Variants in CDH23 observed in about 807,000 individuals in gnomAD.
CDH23 encodes the protein cadherin-23.
In CDH23, 189 loss-of-function variants were observed where a neutral mutation model predicts 317.1. The ratio of observed to expected loss-of-function variants is 0.60; its 90% CI spans 0.53 to 0.67. The LOEUF is 0.67. Ranked by LOEUF, CDH23 falls within the 30% of genes least tolerant of loss-of-function variation. CDH23 has a pLI of 0.00. For synonymous variants in CDH23, 1,839 were observed against 1,876.8 expected (o/e 0.98, Z 0.52); for missense variants, 4,401 against 4,592.4 (o/e 0.96, Z 1.20).
At position 71,809,847 on chromosome 10, in the gene CDH23, T is replaced by A. The variant is rs770421543; in HGVS notation, c.8750T>A (p.Phe2917Tyr). 1.2e-5 allele frequency: 19 copies of A among 1,613,090 alleles called. No homozygotes were observed. In the South Asian group the frequency reaches 2.1e-4, roughly 18 times the overall value. The change falls in exon 61 of 70, where the codon TTC becomes TAC. Residue 2917 changes from phenylalanine to tyrosine, a missense_variant. This residue lies in a region of CDH23 where 1,144 missense variants were observed against 1,138.2 expected (regional missense o/e 1.01). Coordinates refer to ENST00000224721, the MANE Select transcript of CDH23 (RefSeq NM_022124.6). The stretch of plus-strand genomic sequence containing the variant: ...AGCATGGACGGCATTCTGCGCACCT[T>A]CGACCTCTTCATGGCCTACAGCCCC... ...MGSMDGILRT[F>Y]DLFMAYSPGY...
At chr10:71,480,445 G>A (rs1430390777) in intron 3 of CDH23, among the ~76,000 whole-genome samples, 5 of 152,252 alleles carry the variant, frequency 3.3e-5, no homozygotes, top group Admixed American at 1.3e-4. Context: ...AACCCATCTC[G>A]AAAGTGAGGC....
intron 9 of CDH23, among the ~76,000 whole-genome samples, chr10:71,599,844 G>T (rs927926915): frequency 3.3e-5 from 5 of 152,062 alleles, no homozygotes; most frequent in Non-Finnish European, 4.4e-5. Context: ...CTTCTCCAGG[G>T]GATGAAGGAA....
chr10:71,689,885 C>T (rs1865122780), intron 19 of CDH23, among the ~76,000 whole-genome samples: 1 of 152,068 alleles, frequency 6.6e-6, no homozygotes. Flanking sequence ...GGGCTGGAGC[C>T]AGAAGCCTTG....
chr10:71,459,077 C>T (rs1483231205), intron 3 of CDH23, among the ~76,000 whole-genome samples: 1 of 136,610 alleles, frequency 7.3e-6, no homozygotes, highest in Non-Finnish European at 1.6e-5. Flanking sequence ...TGAGCCACCA[C>T]ACCTGGCCTT....
intron 3 of CDH23, among the ~76,000 whole-genome samples, chr10:71,452,064 C>T (rs1037107446): frequency 2.6e-5 from 4 of 152,192 alleles, no homozygotes; most frequent in African/African-American, 7.2e-5. Flanking sequence ...TGCTTGTGAA[C>T]GGCAAGGCCC....
chr10:71,458,174 C>T (rs1160558116), intron 3 of CDH23, among the ~76,000 whole-genome samples: 1 of 152,254 alleles, frequency 6.6e-6, no homozygotes, highest in Non-Finnish European at 1.5e-5. Flanking sequence ...CCTCAGGGGA[C>T]CTGTGAGCCT....
chr10:71,574,738 C>T (rs1373437931), intron 8 of CDH23, among the ~76,000 whole-genome samples: 1 of 152,166 alleles, frequency 6.6e-6, no homozygotes, highest in East Asian at 1.9e-4. Context: ...GGGGACAAGC[C>T]ACAGAGGGAA....
At chr10:71,566,453 A>G (rs1338810245) in intron 6 of CDH23, among the ~76,000 whole-genome samples, 2 of 152,164 alleles carry the variant, frequency 1.3e-5, no homozygotes, top group Non-Finnish European at 2.9e-5. Flanking sequence ...GAAACCACCA[A>G]GAAACAGGTT....
At chr10:71,541,343 C>A (rs377296184) in intron 6 of CDH23, among the ~76,000 whole-genome samples, 1 of 152,216 alleles carries the variant, frequency 6.6e-6, no homozygotes, top group Non-Finnish European at 1.5e-5. Flanking sequence ...TGCCTATTGA[C>A]AACACACTCA....
chr10:71,524,234 G>A (rs959628860), intron 6 of CDH23, among the ~76,000 whole-genome samples: 8 of 152,190 alleles, frequency 5.3e-5, no homozygotes, highest in African/African-American at 1.2e-4. Context: ...CACCGTGGAC[G>A]GACCCTCAGG....
At chr10:71,532,711 GTTTTTTTTTTTTTTTGTT>G (rs1855455803) in intron 6 of CDH23, among the ~76,000 whole-genome samples, 1 of 128,100 alleles carries the variant, frequency 7.8e-6, no homozygotes, top group Non-Finnish European at 1.8e-5. Context: ...TTTTGTTTTT[GTTTTTTTTTTTTTTTGTT>G]TTTTTTTTTT....
intron 28 of CDH23, 54 bp downstream of exon 28, chr10:71,712,867 C>A: frequency 3.2e-6 from 5 of 1,583,970 alleles, no homozygotes; most frequent in Non-Finnish European, 4.3e-6. Context: ...GGCGGAGCCA[C>A]ACACGGCCCT....
intron 8 of CDH23, among the ~76,000 whole-genome samples, chr10:71,574,349 G>A (rs1031543304): frequency 3.2e-4 from 48 of 152,186 alleles, no homozygotes; most frequent in African/African-American, 1.0e-3. Context: ...CGGCCTGCCC[G>A]TCAGTGAAGG....
chr10:71,815,190 A>G lies in CDH23; in HGVS notation c.9977A>G (p.Asn3326Ser), dbSNP rs1842093518. Residue 3326 changes from asparagine (N) to serine (S), a missense_variant, in exon 70 of 70, where the codon AAC becomes AGC. Physicochemically the swap from Asn to Ser is conservative, Grantham distance 46 (BLOSUM62 1). Coordinates refer to ENST00000224721, the MANE Select transcript of CDH23 (RefSeq NM_022124.6). ...GCCGAGGCCACTGCCTTCGAGCGCA[A>G]CGCCCGCACAGAATCCGCCAAATCC... ...TAAEATAFER[N>S]ARTESAKSTP... 1.2e-6 allele frequency: 2 copies of G among 1,608,946 alleles called. No individual in the cohort carries two copies. Among genetic ancestry groups the G allele is most frequent in the Non-Finnish European group, 1.7e-6 (2 of 1,176,760 alleles).
At chr10:71,499,184 G>T (rs1221223685) in intron 3 of CDH23, among the ~76,000 whole-genome samples, 1 of 152,194 alleles carries the variant, frequency 6.6e-6, no homozygotes, top group Non-Finnish European at 1.5e-5. Flanking sequence ...TCAGTCACGT[G>T]TGGGAGCTTA....
intron 30 of CDH23, among the ~76,000 whole-genome samples, chr10:71,730,097 GTGC>G (rs373787157): frequency 1.8e-4 from 28 of 152,222 alleles, no homozygotes; most frequent in African/African-American, 6.3e-4. Context: ...GCCTCCCAAA[GTGC>G]TGCTGGGATT....
At chr10:71,597,916 A>C (rs533838774) in intron 9 of CDH23, among the ~76,000 whole-genome samples, 5 of 152,072 alleles carry the variant, frequency 3.3e-5, no homozygotes, top group Non-Finnish European at 5.9e-5. Context: ...CCCCACCCTC[A>C]AAGGCGGGGT....
rs754726755 is a variant in CDH23, at chr10:71,810,025, C to T, written c.8928C>T (p.Ile2976=). The T allele has an allele frequency of 5.0e-6, 8 of 1,612,750 alleles. No individual in the cohort carries two copies. The highest frequency in any genetic ancestry group is 6.8e-6 in the Non-Finnish European group (8 of 1,179,878). Residue 2976 remains isoleucine (I), a synonymous_variant, in exon 61 of 70, where the codon ATC becomes ATT. Coordinates refer to ENST00000224721, the MANE Select transcript of CDH23 (RefSeq NM_022124.6). ...DRVRGFEEEF[I]HLLSNITGAI... Reference sequence around the variant, plus strand: ...TGCGCGGCTTCGAGGAGGAGTTCATCCACCTGCTCTCCAACATCACTGGGG... The same window carrying T: ...TGCGCGGCTTCGAGGAGGAGTTCATTCACCTGCTCTCCAACATCACTGGGG...
At chr10:71,723,417 A>C (rs1188440281) in intron 28 of CDH23, among the ~76,000 whole-genome samples, 2 of 152,026 alleles carry the variant, frequency 1.3e-5, no homozygotes, top group Admixed American at 6.5e-5. Context: ...CCCCCCCCAC[A>C]CACAAGCCCA....
Sources: gnomAD v4.1 joint callset for allele counts (sites outside exome capture counted in the v4.1 genomes callset) on GRCh38, gnomAD v4.1.1 for gene constraint, gnomAD v4.1.1 regional missense constraint, MANE v1.5 for transcripts, NCBI Gene and HGNC (gene_info 2026-07-23, HGNC 2026-07-21) for gene names.